Variants in GRID2 observed in about 807,000 individuals in gnomAD.
The protein encoded by GRID2 is glutamate receptor ionotropic, delta-2.
A neutral mutation model predicts 114.8 loss-of-function variants in GRID2; 33 were observed. The observed-to-expected ratio is 0.29, with a 90% confidence interval of 0.22 to 0.38. The LOEUF is 0.38. Ranked by LOEUF, GRID2 falls within the 10% of genes least tolerant of loss-of-function variation. The pLI is 1.00. For synonymous variants in GRID2, 505 were observed against 449.9 expected (o/e 1.12, Z -1.55); for missense variants, 1,184 against 1,257.7 (o/e 0.94, Z 0.89).
At chr4:93,426,686 A>G (rs1768877933) in intron 10 of GRID2, among the ~76,000 whole-genome samples, 1 of 152,150 alleles carries the variant, frequency 6.6e-6, no homozygotes. Flanking sequence ...ATCATACACA[A>G]GAAATAGAAT....
intron 2 of GRID2, among the ~76,000 whole-genome samples, chr4:92,649,328 G>A (rs2149260503): frequency 6.6e-6 from 1 of 150,422 alleles, no homozygotes; most frequent in Non-Finnish European, 1.5e-5. Flanking sequence ...ACGAGGCAAT[G>A]TTGTAACTCC....
At chr4:93,572,581 C>T (rs759273346) in intron 13 of GRID2, among the ~76,000 whole-genome samples, 11 of 151,958 alleles carry the variant, frequency 7.2e-5, no homozygotes, top group Non-Finnish European at 7.4e-5. Context: ...TTATGATTGA[C>T]ATATATAGAA....
intron 12 of GRID2, among the ~76,000 whole-genome samples, chr4:93,500,464 A>G (rs1287135199): frequency 6.6e-6 from 1 of 151,796 alleles, no homozygotes; most frequent in Non-Finnish European, 1.5e-5. Flanking sequence ...CCACAATTCT[A>G]TATATTAATT....
chr4:93,440,394 A>T (rs746874300), intron 10 of GRID2, among the ~76,000 whole-genome samples: 1 of 152,106 alleles, frequency 6.6e-6, no homozygotes, highest in Non-Finnish European at 1.5e-5. Flanking sequence ...AGAGACTTTA[A>T]ATTGGACAGT....
At chr4:93,613,893 G>T (rs996297941) in intron 13 of GRID2, among the ~76,000 whole-genome samples, 16 of 151,508 alleles carry the variant, frequency 1.1e-4, no homozygotes, top group Non-Finnish European at 3.0e-5. Context: ...GGGCAATGGC[G>T]GGCGCCCCTC....
chr4:92,840,416 C>T (rs1431234379), intron 2 of GRID2, among the ~76,000 whole-genome samples: 1 of 151,554 alleles, frequency 6.6e-6, no homozygotes, highest in Non-Finnish European at 1.5e-5. Flanking sequence ...TTCTTTTCTC[C>T]CCTTCTTCCT....
intron 10 of GRID2, among the ~76,000 whole-genome samples, chr4:93,431,842 A>G (rs899368836): frequency 6.6e-6 from 1 of 152,194 alleles, no homozygotes; most frequent in African/African-American, 2.4e-5. Context: ...TGAAGGATAA[A>G]TATCCTGGAA....
intron 8 of GRID2, among the ~76,000 whole-genome samples, chr4:93,321,656 T>G (rs3890315): frequency 0.08 from 12,102 of 151,390 alleles, 655 homozygotes; most frequent in African/African-American, 0.14. Context: ...CAGTTGTCAG[T>G]TTTTTTTTCT....
At chr4:92,923,014 T>C (rs144946177) in intron 2 of GRID2, among the ~76,000 whole-genome samples, 17 of 152,328 alleles carry the variant, frequency 1.1e-4, no homozygotes, top group Admixed American at 1.1e-3. Context: ...ACTTTACATA[T>C]GAATTTTGTT....
chr4:92,965,197 ATGTGGTGTTTATTGATTAAGATCGAT>A (rs1428225099), intron 2 of GRID2, among the ~76,000 whole-genome samples: 1 of 151,828 alleles, frequency 6.6e-6, no homozygotes, highest in African/African-American at 2.4e-5. Context: ...ATCAGAACAC[ATGTGGTGTTTATTGATTAAGATCGAT>A]TCATTTTGCC....
intron 1 of GRID2, among the ~76,000 whole-genome samples, chr4:92,351,404 G>A (rs1439271903): frequency 6.6e-6 from 1 of 151,556 alleles, no homozygotes; most frequent in Non-Finnish European, 1.5e-5. Flanking sequence ...CATATTAATG[G>A]GGTAGAGGTT....
chr4:92,558,725 C>G (rs763735620), intron 1 of GRID2, among the ~76,000 whole-genome samples: 5 of 152,152 alleles, frequency 3.3e-5, no homozygotes, highest in Non-Finnish European at 5.9e-5. Flanking sequence ...CTGTGAACCA[C>G]TAGATCATGC....
chr4:92,944,910 C>T (rs1222815579), intron 2 of GRID2, among the ~76,000 whole-genome samples: 1 of 152,064 alleles, frequency 6.6e-6, no homozygotes, highest in Non-Finnish European at 1.5e-5. Context: ...GATTATAGAA[C>T]AGTTATGCAT....
chr4:92,711,644 T>G (rs1384869747), intron 2 of GRID2, among the ~76,000 whole-genome samples: 1 of 152,194 alleles, frequency 6.6e-6, no homozygotes, highest in African/African-American at 2.4e-5. Flanking sequence ...GACTCACGCC[T>G]GTAATCCAAG....
At chr4:93,227,803 G>A (rs1222804193) in intron 7 of GRID2, among the ~76,000 whole-genome samples, 2 of 152,154 alleles carry the variant, frequency 1.3e-5, no homozygotes, top group Non-Finnish European at 2.9e-5. Context: ...TTACTTTACA[G>A]CAAGGATGGC....
At chr4:93,365,628 T>G (rs1762266292) in intron 8 of GRID2, among the ~76,000 whole-genome samples, 1 of 152,066 alleles carries the variant, frequency 6.6e-6, no homozygotes, top group South Asian at 2.1e-4. Flanking sequence ...TGTGAAAGAG[T>G]GTAACTGAGA....
chr4:93,082,692 T>G (rs1729973790), intron 2 of GRID2, among the ~76,000 whole-genome samples: 1 of 152,208 alleles, frequency 6.6e-6, no homozygotes, highest in Admixed American at 6.5e-5. Context: ...CAATTTTTGA[T>G]TATTCCGATT....
chr4:92,609,550 A>G (rs868154664), intron 2 of GRID2, among the ~76,000 whole-genome samples: 4 of 151,386 alleles, frequency 2.6e-5, no homozygotes, highest in African/African-American at 9.7e-5. Flanking sequence ...AGAGACCTGA[A>G]TGATGAAAGG....
rs764515478 is a variant in GRID2 at position 93,769,337 on chromosome 4, A to G, written c.2488A>G (p.Ser830Gly). The G allele has an allele frequency of 6.2e-7, 1 of 1,614,010 alleles. No individual in the cohort carries two copies. Among genetic ancestry groups the G allele is most frequent in the Non-Finnish European group, 8.5e-7 (1 of 1,179,978 alleles). The change falls in exon 15 of 16, where the codon AGC becomes GGC. Residue 830 changes from serine (S) to glycine (G), a missense_variant. By Grantham distance (56) the Ser-to-Gly change is moderately conservative. Transcript: ENST00000282020. ...KQKGGALDIK[S>G]FAGVFCILAA... ...GAAAGGAGGCGCCCTGGACATAAAG[A>G]GCTTTGCAGGGGTCTTTTGTATCCT...
Sources: allele counts gnomAD v4.1 joint callset (sites outside exome capture counted in the v4.1 genomes callset), GRCh38; gene constraint gnomAD v4.1.1; transcripts MANE v1.5; gene names NCBI Gene and HGNC (gene_info 2026-07-23, HGNC 2026-07-21).